The following ZNF385D variants were observed in gnomAD, a reference collection of about 807,000 sequenced individuals.
ZNF385D encodes the protein zinc finger protein 659.
In ZNF385D, 15 loss-of-function variants were observed where a neutral mutation model predicts 35.8. The observed-to-expected ratio is 0.42, with a 90% confidence interval of 0.28 to 0.64. The LOEUF (loss-of-function observed/expected upper bound fraction) is 0.64, where lower values mean the gene tolerates loss of function less well. Among genes scored for constraint, ZNF385D ranks in the 30% least tolerant of loss-of-function variants. The pLI is 0.23. For missense variants in ZNF385D, 474 were observed against 494.6 expected, an observed-to-expected ratio of 0.96 and a Z score of 0.39; for synonymous variants, 212 against 186.8, an observed-to-expected ratio of 1.13 and a Z score of -1.10.
chr3:22,173,620 C>G (rs1450359845), intron 2 of ZNF385D, among the ~76,000 whole-genome samples: 2 of 152,180 alleles, frequency 1.3e-5, no homozygotes, highest in Non-Finnish European at 2.9e-5. Context: ...GCTCATTCAT[C>G]TCACGGTAGA....
At chr3:21,544,467 G>T (rs1381559721) in intron 3 of ZNF385D, among the ~76,000 whole-genome samples, 2 of 152,246 alleles carry the variant, frequency 1.3e-5, no homozygotes, top group African/African-American at 4.8e-5. Flanking sequence ...TTATAAGAAG[G>T]TGTGGAAATG....
At position 22,053,083 on chromosome 3, in the gene ZNF385D, C is replaced by G. The variant is rs1215723732; in HGVS notation, c.325+115734G>C. ...CTAAGCAAGCCTGGGCAATGGCGGG[C>G]GCCCCTCCCCCAGCCTCGTTGCCGC... On this transcript the variant is annotated intron_variant, in intron 3 of 5. Coordinates refer to the ZNF385D transcript ENST00000494108. 2.5e-5 allele frequency among the ~76,000 whole-genome samples: 2 copies of G among 78,750 alleles called. 1 individual carries two copies. Among genetic ancestry groups the G allele is most frequent in the East Asian group, 1.3e-3 (2 of 1,530 alleles). The allele number at this position is 78,750 out of a possible 152,430, so 51.7% of individuals were successfully genotyped here.
intron 2 of ZNF385D, among the ~76,000 whole-genome samples, chr3:22,334,092 T>G (rs919140248): frequency 1.3e-5 from 2 of 152,224 alleles, no homozygotes; most frequent in South Asian, 4.1e-4. Context: ...ACATATTTAA[T>G]GCATGTCTCT....
At chr3:22,265,402 G>A (rs951034485) in intron 2 of ZNF385D, among the ~76,000 whole-genome samples, 8 of 151,974 alleles carry the variant, frequency 5.3e-5, no homozygotes, top group African/African-American at 1.7e-4. Flanking sequence ...AACATTATTG[G>A]CAAATGAGGT....
At chr3:21,669,660 A>C (rs1223866654) in intron 1 of ZNF385D, among the ~76,000 whole-genome samples, 2 of 152,218 alleles carry the variant, frequency 1.3e-5, no homozygotes, top group Non-Finnish European at 2.9e-5. Flanking sequence ...TTACTGTATT[A>C]GATAATATAT....
At chr3:21,610,772 C>T (rs75485364) in intron 2 of ZNF385D, among the ~76,000 whole-genome samples, 1 of 83,942 alleles carries the variant, frequency 1.2e-5, no homozygotes, top group Non-Finnish European at 2.2e-5. Flanking sequence ...GAGACTCCGT[C>T]CCCCCCAAAA....
At chr3:22,129,086 T>A (rs951769286) in intron 3 of ZNF385D, among the ~76,000 whole-genome samples, 3 of 152,188 alleles carry the variant, frequency 2.0e-5, no homozygotes, top group Non-Finnish European at 4.4e-5. Flanking sequence ...TGCAGACTTG[T>A]ATATGTACCA....
chr3:21,541,205 C>A (rs557825277), intron 3 of ZNF385D, among the ~76,000 whole-genome samples: 3 of 152,228 alleles, frequency 2.0e-5, no homozygotes, highest in Non-Finnish European at 2.9e-5. Context: ...CAATTTCATT[C>A]CCCTTAATTA....
intron 3 of ZNF385D, among the ~76,000 whole-genome samples, chr3:21,960,597 A>G (rs1702535311): frequency 6.6e-6 from 1 of 152,180 alleles, no homozygotes; most frequent in Non-Finnish European, 1.5e-5. Flanking sequence ...ATTTATTCAA[A>G]GGAAAGGAAA....
chr3:22,321,320 T>C (rs1694418633), intron 2 of ZNF385D, among the ~76,000 whole-genome samples: 1 of 152,020 alleles, frequency 6.6e-6, no homozygotes, highest in African/African-American at 2.4e-5. Context: ...GTCCCTACAA[T>C]TAATGGGGGG....
At chr3:22,216,616 T>C (rs186253761) in intron 2 of ZNF385D, among the ~76,000 whole-genome samples, 1 of 152,242 alleles carries the variant, frequency 6.6e-6, no homozygotes, top group Admixed American at 6.5e-5. Context: ...ATAAAAGGGA[T>C]AAGAGTGAGG....
chr3:22,289,835 G>C (rs1297346717), intron 2 of ZNF385D, among the ~76,000 whole-genome samples: 1 of 152,106 alleles, frequency 6.6e-6, no homozygotes, highest in Non-Finnish European at 1.5e-5. Context: ...CTAGGGGAAA[G>C]GTTTAGAATA....
At chr3:21,591,716 C>CA (rs1272877201) in intron 2 of ZNF385D, among the ~76,000 whole-genome samples, 1 of 152,142 alleles carries the variant, frequency 6.6e-6, no homozygotes, top group Non-Finnish European at 1.5e-5. Flanking sequence ...TAAACTCATT[C>CA]ACTCTGTCCA....
intron 2 of ZNF385D, among the ~76,000 whole-genome samples, chr3:22,363,815 A>G (rs1197468371): frequency 6.6e-6 from 1 of 152,110 alleles, no homozygotes. Flanking sequence ...TTTTAAAAGT[A>G]TAATTCAAAT....
At position 21,787,469 on chromosome 3, in the gene ZNF385D, T is replaced by C. The variant is rs74519345; in HGVS notation, c.326-122441A>G. ...CTAAGCCCCGTGCCCCTACTCCTTA[T>C]CCAGATGCTAATATCCAGCACACCA... On this transcript the variant is annotated intron_variant, in intron 3 of 5. Transcript: ENST00000494108. Among the ~76,000 whole-genome samples, 382 of 152,086 alleles carry C rather than the reference T, an allele frequency of 2.5e-3. 8 individuals carry two copies. In the East Asian group the frequency reaches 0.065, roughly 26 times the overall value.
chr3:21,810,363 TG>T (rs2072861666), intron 3 of ZNF385D, among the ~76,000 whole-genome samples: 1 of 108,066 alleles, frequency 9.3e-6, no homozygotes, highest in Non-Finnish European at 1.9e-5. Context: ...CATGTGTGTC[TG>T]GGGCCTGTCG....
chr3:22,071,291 A>G (rs1354500009), intron 3 of ZNF385D, among the ~76,000 whole-genome samples: 1 of 152,204 alleles, frequency 6.6e-6, no homozygotes, highest in Non-Finnish European at 1.5e-5. Flanking sequence ...CTTCTGTCCC[A>G]AAGTTGAAAT....
chr3:21,848,997 T>A (rs1696198738), intron 3 of ZNF385D, among the ~76,000 whole-genome samples: 1 of 152,110 alleles, frequency 6.6e-6, no homozygotes, highest in African/African-American at 2.4e-5. Flanking sequence ...TTGAGACTTC[T>A]TTCTTAAAGT....
At chr3:21,933,408 T>G (rs562458067) in intron 3 of ZNF385D, among the ~76,000 whole-genome samples, 1 of 152,158 alleles carries the variant, frequency 6.6e-6, no homozygotes, top group Non-Finnish European at 1.5e-5. Context: ...TGAGCTAGTT[T>G]AAAATATTAA....
Sources: allele counts gnomAD v4.1 joint callset (sites outside exome capture counted in the v4.1 genomes callset), GRCh38; gene constraint gnomAD v4.1.1; transcripts MANE v1.5; gene names NCBI Gene and HGNC (gene_info 2026-07-23, HGNC 2026-07-21).